C1orf146: variants seen among roughly 807,000 people sequenced by gnomAD.
The protein encoded by C1orf146 is protein SPO16 homolog.
In C1orf146, 22 loss-of-function variants were observed where a neutral mutation model predicts 23.0. The observed-to-expected ratio is 0.96, with a 90% CI of 0.68 to 1.36. The LOEUF is 1.36. Among genes scored for constraint, C1orf146 ranks in the 40% most tolerant of loss-of-function variants. The pLI, the probability that C1orf146 is intolerant of heterozygous loss-of-function variation, is 0.00. For synonymous variants in C1orf146, 59 were observed against 65.3 expected (o/e 0.90, Z 0.47); for missense variants, 199 against 206.8 (o/e 0.96, Z 0.23).
chr1:92,242,141 A>T (rs1466106143), intron 2 of C1orf146, 71 bp from the exon 3 acceptor site: 1 of 750,398 alleles, frequency 1.3e-6, no homozygotes, highest in Non-Finnish European at 2.1e-6. Context: ...TTAAACTTTT[A>T]ATTTTTTCTT....
intron 1 of C1orf146, 70 bp downstream of exon 1, chr1:92,218,118 C>T (rs772039561): frequency 6.6e-6 from 1 of 152,282 alleles, no homozygotes; most frequent in Non-Finnish European, 1.5e-5. Flanking sequence ...CTTCGTTCTT[C>T]GCCGGCGTAG....
In C1orf146 at chr1:92,237,843, T is replaced by A. The variant is rs191392752; in HGVS notation, c.67-4369T>A. ...TGAAAAGTTTCATGTTGTCATTTTT[T>A]AAATTTTCTAATCAACTGTTAAGTG... On this transcript the variant is annotated intron_variant, in intron 2 of 5. Coordinates refer to ENST00000370375, the MANE Select transcript of C1orf146 (RefSeq NM_001012425.2). Among the ~76,000 whole-genome samples, 255 of 152,386 alleles carry A rather than the reference T, an allele frequency of 1.7e-3. 1 individual carries two copies. Among genetic ancestry groups the A allele is most frequent in the African/African-American group, 5.4e-3 (223 of 41,606 alleles).
At chr1:92,235,024 C>A (rs1335455346) in intron 2 of C1orf146, among the ~76,000 whole-genome samples, 7 of 152,110 alleles carry the variant, frequency 4.6e-5, no homozygotes, top group African/African-American at 1.7e-4. Flanking sequence ...GTCTTGCTAG[C>A]GGTCTATCAA....
chr1:92,234,582 T>C (rs1415795140), intron 2 of C1orf146, among the ~76,000 whole-genome samples: 7 of 152,370 alleles, frequency 4.6e-5, no homozygotes, highest in African/African-American at 1.7e-4. Context: ...CTTTTTTTGT[T>C]GTTTCTCTGC....
At chr1:92,244,019 TC>T (rs1294367448) in intron 3 of C1orf146, among the ~76,000 whole-genome samples, 197 bp from the exon 4 acceptor site, 16 of 152,286 alleles carry the variant, frequency 1.1e-4, no homozygotes, top group Non-Finnish European at 2.4e-4. Flanking sequence ...CACAAGTCAT[TC>T]TTTTATACAG....
At chr1:92,235,745 A>C (rs1488106898) in intron 2 of C1orf146, among the ~76,000 whole-genome samples, 1 of 152,142 alleles carries the variant, frequency 6.6e-6, no homozygotes, top group Non-Finnish European at 1.5e-5. Flanking sequence ...GTGGGCGTCT[A>C]AGTCTCTTTG....
chr1:92,238,998 A>G (rs1349110460), intron 2 of C1orf146, among the ~76,000 whole-genome samples: 1 of 152,168 alleles, frequency 6.6e-6, no homozygotes, highest in Non-Finnish European at 1.5e-5. Flanking sequence ...AGCTCAAGCA[A>G]TCCATTGCCT....
intron 1 of C1orf146, among the ~76,000 whole-genome samples, chr1:92,230,830 A>T (rs906291789): frequency 1.1e-4 from 17 of 152,046 alleles, no homozygotes; most frequent in African/African-American, 4.1e-4. Flanking sequence ...GATATATAGT[A>T]TTTCCCTCCA....
At chr1:92,224,569 A>G (rs1651920108) in intron 1 of C1orf146, among the ~76,000 whole-genome samples, 1 of 152,144 alleles carries the variant, frequency 6.6e-6, no homozygotes, top group Non-Finnish European at 1.5e-5. Context: ...ATCCGAGTTC[A>G]TTTTCTAAAA....
intron 5 of C1orf146, among the ~76,000 whole-genome samples, chr1:92,245,135 G>A (rs568734567): frequency 8.5e-5 from 13 of 152,222 alleles, no homozygotes; most frequent in African/African-American, 3.1e-4. Context: ...AAGTTATAAG[G>A]GTTGGTCAGA....
At chr1:92,223,514 G>A (rs986529891) in intron 1 of C1orf146, among the ~76,000 whole-genome samples, 17 of 151,980 alleles carry the variant, frequency 1.1e-4, no homozygotes, top group Admixed American at 6.6e-4. Context: ...TGAGCCTTGA[G>A]TGTCTTTTTG....
chr1:92,245,032 A>C (rs1262657883), intron 5 of C1orf146, among the ~76,000 whole-genome samples, 175 bp downstream of exon 5: 1 of 152,132 alleles, frequency 6.6e-6, no homozygotes, highest in Non-Finnish European at 1.5e-5. Flanking sequence ...TTCTCAATTT[A>C]CTTCCAGTAG....
intron 1 of C1orf146, chr1:92,229,499 C>T: frequency 2.2e-6 from 1 of 452,084 alleles, no homozygotes; most frequent in Non-Finnish European, 4.3e-6. Context: ...TACCCTTGTC[C>T]CCATTCTGGA....
At chr1:92,231,676 T>C (rs1325107491) in intron 2 of C1orf146, among the ~76,000 whole-genome samples, 190 bp downstream of exon 2, 2 of 152,138 alleles carry the variant, frequency 1.3e-5, no homozygotes, top group African/African-American at 2.4e-5. Flanking sequence ...ACATCCGACT[T>C]CCTTAATTCT....
chr1:92,238,554 T>C (rs1473885438), intron 2 of C1orf146, among the ~76,000 whole-genome samples: 1 of 152,254 alleles, frequency 6.6e-6, no homozygotes, highest in East Asian at 1.9e-4. Context: ...TTTTGATGAA[T>C]CAGCTCTTGA....
In C1orf146 at chr1:92,218,817, C is replaced by T. The variant is rs75471007; in HGVS notation, c.-40+769C>T. On this transcript the variant is annotated intron_variant, in intron 1 of 5. Transcript: ENST00000370375. ...GAGGATGCAGCCTAACCAGAGGTGA[C>T]GTGATTTGCCCAAAGCCACACAGTC... is the stretch of plus-strand genomic sequence containing the variant. 1.4e-4 allele frequency among the ~76,000 whole-genome samples: 21 copies of T among 152,204 alleles called. No individual in the cohort carries two copies. The East Asian group carries it at 4.1e-3, about 29-fold the overall frequency.
chr1:92,235,976 C>T (rs1241568764), intron 2 of C1orf146, among the ~76,000 whole-genome samples: 2 of 152,084 alleles, frequency 1.3e-5, no homozygotes, highest in African/African-American at 4.8e-5. Context: ...GATCTTCCTC[C>T]ATCCTTTTAT....
intron 3 of C1orf146, among the ~76,000 whole-genome samples, chr1:92,243,727 C>T (rs1203624231): frequency 6.6e-6 from 1 of 152,132 alleles, no homozygotes; most frequent in Non-Finnish European, 1.5e-5. Context: ...TTGCTGAACA[C>T]ATGGAGGTGT....
intron 1 of C1orf146, among the ~76,000 whole-genome samples, chr1:92,222,874 C>T (rs768365850): frequency 3.9e-5 from 6 of 152,156 alleles, no homozygotes; most frequent in East Asian, 1.9e-4. Flanking sequence ...GTGTGAGCCA[C>T]GGCGCCTGGC....
Sources: allele counts gnomAD v4.1 joint callset (sites outside exome capture counted in the v4.1 genomes callset), GRCh38; gene constraint gnomAD v4.1.1; transcripts MANE v1.5; gene names NCBI Gene and HGNC (gene_info 2026-07-23, HGNC 2026-07-21).